Variants in ROBO2 observed in about 807,000 individuals in gnomAD.
ROBO2 encodes the protein roundabout guidance receptor 2, also known as roundabout homolog 2.
ROBO2 carries 53 observed loss-of-function variants against 160.8 expected under a neutral mutation model. That is an observed-to-expected ratio of 0.33 (90% CI 0.26 to 0.41). The LOEUF (loss-of-function observed/expected upper bound fraction) is 0.41, where lower values mean the gene tolerates loss of function less well. Ranked by LOEUF, ROBO2 falls within the 10% of genes least tolerant of loss-of-function variation. The pLI, the probability that ROBO2 is intolerant of heterozygous loss-of-function variation, is 1.00. For missense variants in ROBO2, 1,577 were observed against 1,722.4 expected, an observed-to-expected ratio of 0.92 and a Z score of 1.49; for synonymous variants, 664 against 611.7, an observed-to-expected ratio of 1.09 and a Z score of -1.26.
intron 2 of ROBO2, among the ~76,000 whole-genome samples, chr3:77,408,058 G>A (rs778409272): frequency 1.3e-5 from 2 of 151,476 alleles, no homozygotes; most frequent in African/African-American, 4.8e-5. Context: ...ATTTGGATGT[G>A]TATCAGGGTA....
chr3:76,841,707 T>C (rs541878558), intron 2 of ROBO2, among the ~76,000 whole-genome samples: 2 of 151,940 alleles, frequency 1.3e-5, no homozygotes, highest in Non-Finnish European at 2.9e-5. Flanking sequence ...ATTGAAAAAA[T>C]ATGAGAAAAA....
At chr3:77,538,962 T>G (rs2092319878) in intron 6 of ROBO2, 4 of 431,820 alleles carry the variant, frequency 9.3e-6, no homozygotes, top group Non-Finnish European at 1.4e-5. Flanking sequence ...TCGCCCAGGC[T>G]GGAGAGCAGT....
At chr3:76,049,631 T>G (rs2067588520) in intron 2 of ROBO2, among the ~76,000 whole-genome samples, 1 of 151,794 alleles carries the variant, frequency 6.6e-6, no homozygotes, top group African/African-American at 2.4e-5. Flanking sequence ...GTAAAGTTAT[T>G]TATATCACAC....
chr3:77,153,291 A>AT (rs1194298584), intron 2 of ROBO2, among the ~76,000 whole-genome samples: 1 of 151,890 alleles, frequency 6.6e-6, no homozygotes, highest in Non-Finnish European at 1.5e-5. Context: ...GTCTATTCAG[A>AT]TTTTTTTATT....
At chr3:76,612,015 C>A (rs1024551364) in intron 2 of ROBO2, among the ~76,000 whole-genome samples, 9 of 152,056 alleles carry the variant, frequency 5.9e-5, no homozygotes, top group Non-Finnish European at 1.3e-4. Context: ...TCTTATTGAC[C>A]CATTGGTCAT....
At chr3:76,667,649 T>G (rs1162643112) in intron 2 of ROBO2, among the ~76,000 whole-genome samples, 1 of 152,154 alleles carries the variant, frequency 6.6e-6, no homozygotes, top group African/African-American at 2.4e-5. Context: ...AGGCGTACTG[T>G]TTTTGGTAAA....
Position 76,578,519 on chromosome 3 carries a change from C to T in ROBO2, c.110-519495C>T, listed in dbSNP as rs116214701. 9.7e-3 allele frequency among the ~76,000 whole-genome samples: 1,475 copies of T among 152,214 alleles called. 26 individuals carry two copies. Among genetic ancestry groups the T allele is most frequent in the African/African-American group, 0.03 (1,245 of 41,548 alleles). ...CATTTGTAACATTTTGCTGTCATGC[C>T]AATGGACTCTTCGATCATCATCCCT... On this transcript the variant is annotated intron_variant, in intron 2 of 26. Transcript: ENST00000487694.
chr3:77,055,316 A>G (rs1045536559), intron 1 of ROBO2, among the ~76,000 whole-genome samples: 5 of 152,142 alleles, frequency 3.3e-5, no homozygotes, highest in African/African-American at 1.2e-4. Context: ...CTACTGGTCT[A>G]GTGATTGGGC....
chr3:76,199,246 C>T (rs1171023171), intron 2 of ROBO2, among the ~76,000 whole-genome samples: 1 of 152,102 alleles, frequency 6.6e-6, no homozygotes, highest in Non-Finnish European at 1.5e-5. Flanking sequence ...GAGAAAGCCA[C>T]CTTGGCTGGC....
At chr3:77,357,508 T>C (rs2069307701) in intron 2 of ROBO2, among the ~76,000 whole-genome samples, 2 of 152,168 alleles carry the variant, frequency 1.3e-5, no homozygotes, top group South Asian at 4.1e-4. Flanking sequence ...GAAATAAATT[T>C]CTGATTTTTA....
At chr3:76,406,352 T>G (rs9849011) in intron 2 of ROBO2, among the ~76,000 whole-genome samples, 28,278 of 151,774 alleles carry the variant, frequency 0.19, 3,103 homozygotes, top group African/African-American at 0.3. Context: ...ACTAATTTTT[T>G]GATTAAATAC....
intron 2 of ROBO2, among the ~76,000 whole-genome samples, chr3:76,020,661 T>A (rs1034242954): frequency 6.6e-6 from 1 of 151,888 alleles, no homozygotes; most frequent in African/African-American, 2.4e-5. Flanking sequence ...AATTGTATCC[T>A]TTCTTTATTC....
chr3:77,625,125 T>C (rs2094983856), intron 23 of ROBO2, among the ~76,000 whole-genome samples: 1 of 152,142 alleles, frequency 6.6e-6, no homozygotes, highest in Admixed American at 6.5e-5. Context: ...ATCTCTTAAA[T>C]TTTGAAATGA....
At chr3:77,179,519 G>A (rs1448623338) in intron 2 of ROBO2, among the ~76,000 whole-genome samples, 1 of 151,570 alleles carries the variant, frequency 6.6e-6, no homozygotes, top group African/African-American at 2.4e-5. Flanking sequence ...GAAGATATTA[G>A]TACCAGAGAA....
intron 2 of ROBO2, among the ~76,000 whole-genome samples, chr3:76,392,126 T>G (rs1053571614): frequency 1.3e-5 from 2 of 152,228 alleles, no homozygotes; most frequent in African/African-American, 4.8e-5. Context: ...TTTTTCTGTA[T>G]ATATTTATGC....
chr3:76,877,465 G>A (rs1166113396), intron 2 of ROBO2, among the ~76,000 whole-genome samples: 38 of 152,190 alleles, frequency 2.5e-4, no homozygotes, highest in Admixed American at 2.4e-3. Flanking sequence ...GTTTGGGGGA[G>A]GGAGGTTTAT....
chr3:77,586,434 T>C (rs1054059899), intron 16 of ROBO2, among the ~76,000 whole-genome samples: 2 of 152,104 alleles, frequency 1.3e-5, no homozygotes, highest in African/African-American at 2.4e-5. Context: ...TAATTTTTAG[T>C]CCAACAAATT....
chr3:77,376,913 A>G (rs2072762720), intron 2 of ROBO2, among the ~76,000 whole-genome samples: 1 of 152,232 alleles, frequency 6.6e-6, no homozygotes. Context: ...TAATTCAAAT[A>G]CCATCATTTT....
intron 2 of ROBO2, among the ~76,000 whole-genome samples, chr3:76,752,679 G>A (rs1329636818): frequency 6.6e-6 from 1 of 151,818 alleles, no homozygotes; most frequent in Admixed American, 6.6e-5. Context: ...ATGAAAAAGA[G>A]TTTCCGTGTT....
Sources: allele counts gnomAD v4.1 joint callset (sites outside exome capture counted in the v4.1 genomes callset), GRCh38; gene constraint gnomAD v4.1.1; transcripts MANE v1.5; gene names NCBI Gene and HGNC (gene_info 2026-07-23, HGNC 2026-07-21).